ITGAL: variants seen among roughly 807,000 people sequenced by gnomAD.
The protein encoded by ITGAL is integrin alpha-L.
A neutral mutation model predicts 138.4 loss-of-function variants in ITGAL; 68 were observed. The ratio of observed to expected loss-of-function variants is 0.49; its 90% CI spans 0.40 to 0.60. The LOEUF is 0.60. Ranked by LOEUF, ITGAL falls within the 20% of genes least tolerant of loss-of-function variation. The probability of loss-of-function intolerance (pLI) is 0.00; values close to 1 mark genes in which losing one functional copy is unlikely to be tolerated. For missense variants in ITGAL, 1,256 were observed against 1,478.6 expected (o/e 0.85, Z 2.47); for synonymous variants, 561 against 584.3 (o/e 0.96, Z 0.57).
chr16:30,499,733 A>ATGTATATATATATATATATATATTTT, intron 17 of ITGAL, among the ~76,000 whole-genome samples: 5 of 88,382 alleles, frequency 5.7e-5, no homozygotes, highest in African/African-American at 3.0e-4. Context: ...ATATATATAT[A>ATGTATATATATATATATATATATTTT]TTTTTTTTTT....
rs372698428 is a variant in ITGAL, at chr16:30,494,254, T to C, written c.1256T>C (p.Leu419Ser). ...CTGCCCTCCCGGCAAAAGACTTCGT[T>C]GCTGGCCTCGGGAGCCCCTCGATAC... is the stretch of plus-strand genomic sequence containing the variant. ...TWLPSRQKTS[L>S]LASGAPRYQH... is the part of the protein sequence containing the mutation. The change falls in exon 12 of 31, where the codon TTG becomes TCG. Residue 419 changes from leucine to serine, a missense_variant. By Grantham distance (145) the Leu-to-Ser change is moderately radical. Around this residue, in one of 3 missense-constraint regions of ITGAL, gnomAD observed 867 missense variants for 972.5 expected, o/e 0.89. Transcript: ENST00000356798. The surrounding 1 kb of genome is among the most constrained non-coding windows in gnomAD (Gnocchi z 4.2). 6.0e-5 allele frequency: 97 copies of C among 1,612,692 alleles called. No homozygotes were observed. Among genetic ancestry groups the C allele is most frequent in the Non-Finnish European group, 7.1e-5 (84 of 1,179,044 alleles).
rs775081024 is a variant in ITGAL, at chr16:30,491,775, C to T, written c.1213+2389C>T. 4.6e-5 allele frequency among the ~76,000 whole-genome samples: 7 copies of T among 152,090 alleles called. No homozygotes were observed. In the East Asian group the frequency reaches 5.8e-4, roughly 13 times the overall value. On this transcript the variant is annotated intron_variant, in intron 11 of 30. Transcript: ENST00000356798. ...CCTCCCAAAGTGCTGAGGTTATAGC[C>T]GTGAGCCACAATGTCCAGCCTCTTC...
intron 26 of ITGAL, 143 bp from the exon 27 acceptor site, chr16:30,517,506 A>C (rs561619803): frequency 2.9e-6 from 2 of 697,734 alleles, no homozygotes; most frequent in African/African-American, 3.5e-5. Context: ...TATGGAGAGT[A>C]AGGATGGATG....
chr16:30,490,000 G>A (rs571106057), intron 11 of ITGAL, among the ~76,000 whole-genome samples: 1 of 152,130 alleles, frequency 6.6e-6, no homozygotes, highest in South Asian at 2.1e-4. Context: ...GCTGAGGCAG[G>A]TGAATCACCT....
chr16:30,488,973 T>A (rs1215373360), intron 9 of ITGAL, 109 bp from the exon 10 acceptor site: 1 of 939,664 alleles, frequency 1.1e-6, no homozygotes, highest in African/African-American at 1.6e-5. Flanking sequence ...ATGCATGCCT[T>A]CTACCTTACC....
chr16:30,517,742 C>T (rs372580521), intron 27 of ITGAL, 37 bp downstream of exon 27: 598 of 1,611,926 alleles, frequency 3.7e-4, no homozygotes, highest in Non-Finnish European at 4.7e-4. Flanking sequence ...TGGGGCTGGG[C>T]GGTACACGGG....
intron 7 of ITGAL, among the ~76,000 whole-genome samples, 199 bp downstream of exon 7, chr16:30,481,783 A>G (rs1024211647): frequency 7.2e-5 from 11 of 152,188 alleles, no homozygotes; most frequent in Non-Finnish European, 1.2e-4. Context: ...ATTAAATCCA[A>G]GAGAAAGTCT....
intron 13 of ITGAL, among the ~76,000 whole-genome samples, chr16:30,495,784 G>A (rs997912939): frequency 6.6e-6 from 1 of 152,156 alleles, no homozygotes; most frequent in African/African-American, 2.4e-5. Context: ...AGGAGTTCGA[G>A]GCTGTAGTGA....
rs1555505656 is a variant in ITGAL at position 30,485,276 on chromosome 16, G to GAGTGCAGGGGCGCAGTCTCTGCTCACTGC, written c.1006+1020_1006+1021insGGGCGCAGTCTCTGCTCACTGCAGTGCAG. Among the ~76,000 whole-genome samples the GAGTGCAGGGGCGCAGTCTCTGCTCACTGC allele has an allele frequency of 1.4e-3, 198 of 144,934 alleles. 4 individuals are homozygous for GAGTGCAGGGGCGCAGTCTCTGCTCACTGC. The East Asian group carries it at 0.034, about 25-fold the overall frequency. On this transcript the variant is annotated intron_variant, in intron 9 of 30. Transcript: ENST00000356798. Reference sequence around the variant, plus strand: ...GAGTCTTGCTCTGTTGCCCAGGCTGGAGTGCAGTGGCGCAGTCTCTGCTCA... The same window carrying GAGTGCAGGGGCGCAGTCTCTGCTCACTGC: ...GAGTCTTGCTCTGTTGCCCAGGCTGGAGTGCAGGGGCGCAGTCTCTGCTCACTGCAGTGCAGTGGCGCAGTCTCTGCTCA...
At chr16:30,479,510 T>G in intron 6 of ITGAL, 49 bp downstream of exon 6, 1 of 1,569,286 alleles carries the variant, frequency 6.4e-7, no homozygotes, top group Non-Finnish European at 8.7e-7. Context: ...GATGCCTACC[T>G]GAACTGACTT....
At chr16:30,489,806 C>T (rs1274001001) in intron 11 of ITGAL, among the ~76,000 whole-genome samples, 2 of 151,838 alleles carry the variant, frequency 1.3e-5, no homozygotes, top group African/African-American at 4.8e-5. Flanking sequence ...CATGGTGGCG[C>T]ATGCCTGTAG....
chr16:30,489,918 A>G (rs1343935206), intron 11 of ITGAL, among the ~76,000 whole-genome samples: 2 of 151,104 alleles, frequency 1.3e-5, no homozygotes, highest in Non-Finnish European at 2.9e-5. Context: ...TCTGGGCAAA[A>G]GAGCAAGACT....
chr16:30,503,917 A>G (rs1211277582), intron 17 of ITGAL: 1 of 324,004 alleles, frequency 3.1e-6, no homozygotes, highest in African/African-American at 2.2e-5. Flanking sequence ...GTTAGGACAC[A>G]GTGGGGGAAA....
chr16:30,517,013 C>A lies in ITGAL; in HGVS notation c.2903C>A (p.Thr968Asn). The A allele has an allele frequency of 1.9e-6, 3 of 1,613,912 alleles. No homozygotes were observed. The highest frequency in any genetic ancestry group is 2.5e-6 in the Non-Finnish European group (3 of 1,179,842). ...QPSIHDHNIPTLEAVVGVPQP... is the reference protein window; with the variant it reads ...QPSIHDHNIPNLEAVVGVPQP... ...TCCATCCACGACCACAACATACCCA[C>A]CCTGGAGGCTGTGGTTGGGGTGCCA... The change falls in exon 26 of 31, where the codon ACC becomes AAC. Residue 968 changes from threonine (T) to asparagine (N), a missense_variant. Transcript: ENST00000356798.
rs769928631 is a variant in ITGAL at position 30,494,315 on chromosome 16, A to G, written c.1317A>G (p.Pro439=). Residue 439 remains proline, a synonymous_variant, in exon 12 of 31, where the codon CCA becomes CCG. Transcript: ENST00000356798. The surrounding 1 kb of genome is among the most constrained non-coding windows in gnomAD (Gnocchi z 4.2). ...HMGRVLLFQE[P]QGGGHWSQVQ... is the part of the protein sequence containing the mutation. ...GCCGAGTGCTGCTGTTCCAAGAGCC[A>G]CAGGGCGGAGGACACTGGAGCCAGG... 6.2e-7 allele frequency: 1 copy of G among 1,613,362 alleles called. No individual in the cohort carries two copies. The highest frequency in any genetic ancestry group is 1.7e-5 in the Admixed American group (1 of 60,014).
chr16:30,514,220 C>T (rs1177709215), intron 25 of ITGAL, among the ~76,000 whole-genome samples: 5 of 152,178 alleles, frequency 3.3e-5, no homozygotes, highest in African/African-American at 1.2e-4. Flanking sequence ...AAGCAATTCT[C>T]CTGTCTCAGC....
chr16:30,474,536 C>T, intron 2 of ITGAL: 1 of 534,138 alleles, frequency 1.9e-6, no homozygotes, highest in Non-Finnish European at 3.4e-6. Context: ...ATCCCAGCCC[C>T]AAAACACTTC....
At chr16:30,474,378 C>A (rs549522507) in intron 2 of ITGAL, 80 bp downstream of exon 2, 2 of 975,628 alleles carry the variant, frequency 2.0e-6, no homozygotes, top group Non-Finnish European at 3.2e-6. Flanking sequence ...CCCCGACCCT[C>A]GCCTGGGCTA....
intron 17 of ITGAL, among the ~76,000 whole-genome samples, chr16:30,503,510 G>GGGAA (rs1423169980): frequency 2.7e-5 from 4 of 149,028 alleles, no homozygotes; most frequent in East Asian, 3.9e-4. Context: ...AAAGAAAGGA[G>GGGAA]GGAAGGAAGG....
Sources: allele counts gnomAD v4.1 joint callset (sites outside exome capture counted in the v4.1 genomes callset), GRCh38; gene constraint gnomAD v4.1.1; regional missense constraint gnomAD v4.1.1; non-coding constraint Gnocchi (gnomAD v3.1); transcripts MANE v1.5; gene names NCBI Gene and HGNC (gene_info 2026-07-23, HGNC 2026-07-21).